Variants in VWA7 observed in about 807,000 individuals in gnomAD.
The protein encoded by VWA7 is von Willebrand factor A domain-containing protein 7.
A neutral mutation model predicts 83.1 loss-of-function variants in VWA7; 66 were observed. The observed-to-expected ratio is 0.79, with a 90% CI of 0.65 to 0.98. VWA7 has a LOEUF of 0.98. VWA7 is among the 50% of genes least tolerant of loss of function. The pLI is 0.00. For synonymous variants in VWA7, 424 were observed against 488.5 expected (o/e 0.87, Z 1.74); for missense variants, 1,080 against 1,160.2 (o/e 0.93, Z 1.00).
Position 31,774,527 on chromosome 6 carries a change from G to C in VWA7, c.710C>G (p.Pro237Arg), listed in dbSNP as rs1812506149. 2 of 1,612,404 alleles carry C rather than the reference G, an allele frequency of 1.2e-6. No individual in the cohort carries two copies. Among genetic ancestry groups the C allele is most frequent in the Admixed American group, 1.7e-5 (1 of 59,944 alleles). The change falls in exon 5 of 17, where the codon CCG (proline) becomes CGG (arginine). Residue 237 changes from proline (P) to arginine (R), a missense_variant. Coordinates refer to ENST00000375688, the MANE Select transcript of VWA7 (RefSeq NM_025258.3). ...TTCTTGTCTGGTACCTGGAGGTTTCGGGGGATGAGTTCCAAAGTAGCCAGA... is the reference window on the plus strand; with the variant it reads ...TTCTTGTCTGGTACCTGGAGGTTTCCGGGGATGAGTTCCAAAGTAGCCAGA... Reference protein sequence around the residue: ...LTSGYFGTHPPKPPGKCSHGG... With the variant: ...LTSGYFGTHPRKPPGKCSHGG...
intron 5 of VWA7, 77 bp downstream of exon 5, chr6:31,774,439 T>TACGG: frequency 7.2e-7 from 1 of 1,383,264 alleles, no homozygotes. Context: ...AGCAAAGGCA[T>TACGG]ACGGGCCTAC....
At position 31,769,282 on chromosome 6, in the gene VWA7, C is replaced by A; in HGVS notation, c.1318-79G>T. 6.6e-7 allele frequency: 1 copy of A among 1,509,578 alleles called. No homozygotes were observed. Among genetic ancestry groups the A allele is most frequent in the Admixed American group, 1.9e-5 (1 of 53,694 alleles). 93.5% of individuals were successfully genotyped at this position (1,509,578 alleles called of 1,614,324 possible). A position where few individuals can be genotyped will look rare whatever the true frequency, so the allele number is the denominator to read the frequency against. ...ATGAATGAGAATCCCTGTGCTCAAG[C>A]TTTCTCCAGAGCTGATGGTTTGTGA... On this transcript the variant is annotated intron_variant, in intron 9 of 16. Transcript: ENST00000375688. The surrounding 1 kb of genome is among the most constrained non-coding windows in gnomAD (Gnocchi z 4.5).
In VWA7 at chr6:31,775,458, G is replaced by A. The variant is rs772408310; in HGVS notation, c.514-29C>T. The A allele has an allele frequency of 1.3e-6, 2 of 1,596,720 alleles. No homozygotes were observed. The highest frequency in any genetic ancestry group is 1.1e-5 in the South Asian group (1 of 89,952). ...GTCCGGAGGACAGGAGAAGGGGAGTGAGGCACTAGTCTGGCCTTTCTCACC... is the reference window on the plus strand; with the variant it reads ...GTCCGGAGGACAGGAGAAGGGGAGTAAGGCACTAGTCTGGCCTTTCTCACC... On this transcript the variant is annotated intron_variant, in intron 3 of 16. Coordinates refer to ENST00000375688, the MANE Select transcript of VWA7 (RefSeq NM_025258.3). This position sits in a 1 kb window ranked among gnomAD's most constrained non-coding sequence, Gnocchi z 5.9.
rs1562261727 is a variant in VWA7 at position 31,765,928 on chromosome 6, C to CG, written c.2453dup (p.Thr819AspfsTer26). 1.2e-6 allele frequency: 2 copies of CG among 1,613,098 alleles called. No homozygotes were observed. The highest frequency in any genetic ancestry group is 8.5e-7 in the Non-Finnish European group (1 of 1,180,034). ...CCAGGAGCCGGAGGAAAGCATGAGT[C>CG]GGGGGTACTGGGTTGGCTTCTCGTC... is the stretch of plus-strand genomic sequence containing the variant. On this transcript the variant is annotated frameshift_variant, in exon 16 of 17. Coordinates refer to ENST00000375688, the MANE Select transcript of VWA7 (RefSeq NM_025258.3). LOFTEE classifies it low-confidence loss of function (END_TRUNC).
chr6:31,776,922 C>A lies in VWA7; in HGVS notation c.-15-128G>T. On this transcript the variant is annotated intron_variant, in intron 1 of 16. Coordinates refer to ENST00000375688, the MANE Select transcript of VWA7 (RefSeq NM_025258.3). This position sits in a 1 kb window ranked among gnomAD's most constrained non-coding sequence, Gnocchi z 6.2. Reference sequence around the variant, plus strand: ...GTCTGCTCCAGCCTGGCTTCCCCACCCTCTCGCTGTCACCCAGACAACCTG... The same window carrying A: ...GTCTGCTCCAGCCTGGCTTCCCCACACTCTCGCTGTCACCCAGACAACCTG... 2.0e-6 allele frequency: 1 copy of A among 508,550 alleles called. No individual in the cohort carries two copies. Among genetic ancestry groups the A allele is most frequent in the Non-Finnish European group, 3.3e-6 (1 of 299,494 alleles). The allele number at this position is 508,550 out of a possible 1,614,324, so 31.5% of individuals were successfully genotyped here. A position where few individuals can be genotyped will look rare whatever the true frequency, so the allele number is the denominator to read the frequency against.
chr6:31,770,037 A>AC lies in VWA7; in HGVS notation c.1163dup (p.Gly389TrpfsTer5). 1.9e-6 allele frequency: 3 copies of AC among 1,612,646 alleles called. No homozygotes were observed. The highest frequency in any genetic ancestry group is 2.2e-5 in the East Asian group (1 of 44,848). On this transcript the variant is annotated frameshift_variant, in exon 8 of 17. Transcript: ENST00000375688. LOFTEE classifies it high-confidence loss of function. ...ACAGGCACATCTCAGGCTCGTCTCC[A>AC]CCCCCCAAGGCATGGATCTCATTAA...
rs1174166447 is a variant in VWA7, at chr6:31,773,083, G to A, written c.958C>T (p.Leu320=). 4.3e-6 allele frequency: 7 copies of A among 1,612,276 alleles called. No homozygotes were observed. Among genetic ancestry groups the A allele is most frequent in the Non-Finnish European group, 5.9e-6 (7 of 1,179,726 alleles). The change falls in exon 7 of 17, where the codon CTG becomes TTG. Residue 320 remains leucine, a synonymous_variant. Transcript: ENST00000375688. The surrounding 1 kb of genome is among the most constrained non-coding windows in gnomAD (Gnocchi z 5.3). The part of the protein sequence containing the change: ...ITPASSLSFV[L]DTTGSMGEEI... ...TCACCCATGCTGCCCGTGGTGTCCAGGACAAAGCTCAGGCTGGAGGCTGGG... is the reference window on the plus strand; with the variant it reads ...TCACCCATGCTGCCCGTGGTGTCCAAGACAAAGCTCAGGCTGGAGGCTGGG...
In VWA7 at chr6:31,766,524, G is replaced by A. The variant is rs758285570; in HGVS notation, c.2123C>T (p.Ala708Val). 1.3e-5 allele frequency: 21 copies of A among 1,609,452 alleles called. No homozygotes were observed. The East Asian group carries it at 1.6e-4, about 12-fold the overall frequency. Reference sequence around the variant, plus strand: ...GGCAGCCCTGTGCAGGCGCCGCCCCGCTGCGTCCTGGCCAATCAGCTCCAG... The same window carrying A: ...GGCAGCCCTGTGCAGGCGCCGCCCCACTGCGTCCTGGCCAATCAGCTCCAG... ...FSLELIGQDA[A>V]GRRLHRAAPQ... Residue 708 changes from alanine (A) to valine (V), a missense_variant, in exon 14 of 17, where the codon GCG becomes GTG. Ala to Val is a moderately conservative substitution (Grantham distance 64). Coordinates refer to ENST00000375688, the MANE Select transcript of VWA7 (RefSeq NM_025258.3). The surrounding 1 kb of genome is among the most constrained non-coding windows in gnomAD (Gnocchi z 4.9).
Position 31,776,466 on chromosome 6 carries a change from C to T in VWA7, c.234+80G>A, listed in dbSNP as rs1263467148. On this transcript the variant is annotated intron_variant, in intron 2 of 16. Transcript: ENST00000375688. The surrounding 1 kb of genome is among the most constrained non-coding windows in gnomAD (Gnocchi z 6.2). ...GGGCCATGGGTGTCTCTTCTCTTGG[C>T]AACCAGAGCCCTCAAGGAGTAGAGG... 7 of 1,348,144 alleles carry T rather than the reference C, an allele frequency of 5.2e-6. No homozygotes were observed. Among genetic ancestry groups the T allele is most frequent in the Non-Finnish European group, 7.0e-6 (7 of 998,668 alleles). 83.5% of individuals were successfully genotyped at this position (1,348,144 alleles called of 1,614,324 possible). A position where few individuals can be genotyped will look rare whatever the true frequency, so the allele number is the denominator to read the frequency against.
chr6:31,768,323 T>C (rs1811833914), intron 10 of VWA7, among the ~76,000 whole-genome samples: 1 of 151,802 alleles, frequency 6.6e-6, no homozygotes, highest in Non-Finnish European at 1.5e-5. Flanking sequence ...CATTAAAAGA[T>C]GATAGGCCAG....
chr6:31,770,186 A>G (rs2151396366), intron 7 of VWA7, 73 bp from the exon 8 acceptor site: 1 of 1,218,864 alleles, frequency 8.2e-7, no homozygotes, highest in East Asian at 2.4e-5. Context: ...CCACCTCCCC[A>G]GTTGAGGGGC....
At position 31,769,546 on chromosome 6, in the gene VWA7, T is replaced by G. The variant is rs549362596; in HGVS notation, c.1317+129A>C. On this transcript the variant is annotated intron_variant, in intron 9 of 16. Coordinates refer to ENST00000375688, the MANE Select transcript of VWA7 (RefSeq NM_025258.3). This position sits in a 1 kb window ranked among gnomAD's most constrained non-coding sequence, Gnocchi z 4.5. ...AGGAAATGTTCCACTCATTGTCTGCTTCTCCCACCATATACCAAGGCTTGT... is the reference window on the plus strand; with the variant it reads ...AGGAAATGTTCCACTCATTGTCTGCGTCTCCCACCATATACCAAGGCTTGT... 2.8e-4 allele frequency: 230 copies of G among 833,410 alleles called. 2 individuals are homozygous for G. Among genetic ancestry groups the G allele is most frequent in the Admixed American group, 4.0e-4 (20 of 50,354 alleles). 51.6% of individuals were successfully genotyped at this position (833,410 alleles called of 1,614,324 possible).
Position 31,777,240 on chromosome 6 carries a change from C to A in VWA7, c.-147G>T. On this transcript the variant is annotated 5_prime_UTR_variant, in exon 1 of 17. Coordinates refer to ENST00000375688, the MANE Select transcript of VWA7 (RefSeq NM_025258.3). The surrounding 1 kb of genome is among the most constrained non-coding windows in gnomAD (Gnocchi z 5.8). ...AACAGGGTGGGGGAGGACAGGCAACCCCTGGCCCTTTCGCTCCTGCCTGCC... is the reference window on the plus strand; with the variant it reads ...AACAGGGTGGGGGAGGACAGGCAACACCTGGCCCTTTCGCTCCTGCCTGCC... The A allele has an allele frequency of 2.2e-6, 1 of 463,600 alleles. No homozygotes were observed. Among genetic ancestry groups the A allele is most frequent in the Non-Finnish European group, 3.9e-6 (1 of 257,272 alleles). 28.7% of individuals were successfully genotyped at this position (463,600 alleles called of 1,614,324 possible). A position where few individuals can be genotyped will look rare whatever the true frequency, so the allele number is the denominator to read the frequency against.
rs1018768853 is a variant in VWA7 at position 31,770,213 on chromosome 6, G to A, written c.1088-100C>T. 1.0e-5 allele frequency: 9 copies of A among 887,690 alleles called. No individual in the cohort carries two copies. The Admixed American group carries it at 1.8e-4, about 17-fold the overall frequency. The allele number at this position is 887,690 out of a possible 1,614,324, so 55.0% of individuals were successfully genotyped here. The stretch of plus-strand genomic sequence containing the variant: ...TTGAGGGGCCTGGTGTGCTTCTGGA[G>A]CCGACAGGTATTGAAATAACAATAC... On this transcript the variant is annotated intron_variant, in intron 7 of 16. Coordinates refer to ENST00000375688, the MANE Select transcript of VWA7 (RefSeq NM_025258.3).
At position 31,766,475 on chromosome 6, in the gene VWA7, A is replaced by G; in HGVS notation, c.2172T>C (p.Pro724=). 2 of 1,596,700 alleles carry G rather than the reference A, an allele frequency of 1.3e-6. No individual in the cohort carries two copies. Among genetic ancestry groups the G allele is most frequent in the Non-Finnish European group, 1.7e-6 (2 of 1,170,712 alleles). Reference sequence around the variant, plus strand: ...CCTGGCGTCTCACCTCCAGAAGGACAGGGACTACAGTGCTAGGCTGAGGGG... The same window carrying G: ...CCTGGCGTCTCACCTCCAGAAGGACGGGGACTACAGTGCTAGGCTGAGGGG... ...RAAPQPSTVV[P]VLLELSGPSG... Residue 724 remains proline (P), a synonymous_variant, in exon 14 of 17, where the codon CCT becomes CCC. Transcript: ENST00000375688. The surrounding 1 kb of genome is among the most constrained non-coding windows in gnomAD (Gnocchi z 4.9).
chr6:31,771,464 C>T (rs953756483), intron 7 of VWA7: 2 of 152,242 alleles, frequency 1.3e-5, no homozygotes, highest in Non-Finnish European at 2.9e-5. Flanking sequence ...GACATTCCAA[C>T]ATCCTGCCCC....
rs768951306 is a variant in VWA7, at chr6:31,775,282, A to G, written c.610+51T>C. 6.7e-7 allele frequency: 1 copy of G among 1,482,160 alleles called. No individual in the cohort carries two copies. 91.8% of individuals were successfully genotyped at this position (1,482,160 alleles called of 1,614,324 possible). A position where few individuals can be genotyped will look rare whatever the true frequency, so the allele number is the denominator to read the frequency against. ...AGAATGTGACACAGTGGCTGGGTGGACTGAGGTGGCCCTGTGGACTCCTGC... is the reference window on the plus strand; with the variant it reads ...AGAATGTGACACAGTGGCTGGGTGGGCTGAGGTGGCCCTGTGGACTCCTGC... On this transcript the variant is annotated intron_variant, in intron 4 of 16. Transcript: ENST00000375688. This position sits in a 1 kb window ranked among gnomAD's most constrained non-coding sequence, Gnocchi z 5.9.
At position 31,766,797 on chromosome 6, in the gene VWA7, G is replaced by A. The variant is rs370971176; in HGVS notation, c.1883-33C>T. ...AGGGGCGAGGAGGGGAGAACATTGT[G>A]AGATTCGGAGACACAGGGAGAAAAG... On this transcript the variant is annotated intron_variant, in intron 13 of 16. Coordinates refer to ENST00000375688, the MANE Select transcript of VWA7 (RefSeq NM_025258.3). This position sits in a 1 kb window ranked among gnomAD's most constrained non-coding sequence, Gnocchi z 4.9. 520 of 1,566,550 alleles carry A rather than the reference G, an allele frequency of 3.3e-4. 1 individual carries two copies. Among genetic ancestry groups the A allele is most frequent in the Admixed American group, 4.1e-4 (23 of 55,846 alleles).
Position 31,769,146 on chromosome 6 carries a change from T to G in VWA7, c.1375A>C (p.Ile459Leu). 1 of 1,613,082 alleles carries G rather than the reference T, an allele frequency of 6.2e-7. No homozygotes were observed. The highest frequency in any genetic ancestry group is 8.5e-7 in the Non-Finnish European group (1 of 1,180,032). The change falls in exon 10 of 17, where the codon ATC becomes CTC. Residue 459 changes from isoleucine (I) to leucine (L), a missense_variant. By Grantham distance (5) the Ile-to-Leu change is conservative (BLOSUM62 2). Transcript: ENST00000375688. This position sits in a 1 kb window ranked among gnomAD's most constrained non-coding sequence, Gnocchi z 4.5. The stretch of plus-strand genomic sequence containing the variant: ...GGCTCAAAACGCAGAGGGGACAAGA[T>G]CTCACGCCGAGCTCGACCCTGAACC... ...SRVQGRARRE[I>L]LSPLRFEPYK...
Sources: allele counts gnomAD v4.1 joint callset (sites outside exome capture counted in the v4.1 genomes callset), GRCh38; gene constraint gnomAD v4.1.1; non-coding constraint Gnocchi (gnomAD v3.1); transcripts MANE v1.5; gene names NCBI Gene and HGNC (gene_info 2026-07-23, HGNC 2026-07-21).